Variants in SPOCK1 observed in about 807,000 individuals in gnomAD.
SPOCK1 encodes the protein testican-1.
SPOCK1 carries 23 observed loss-of-function variants against 55.3 expected under a neutral mutation model. That is an observed-to-expected ratio of 0.42 (90% CI 0.30 to 0.59). The LOEUF (loss-of-function observed/expected upper bound fraction) is 0.59. SPOCK1 is among the 20% of genes least tolerant of loss of function. The pLI is 0.22. For missense variants in SPOCK1, 499 were observed against 552.5 expected (o/e 0.90, Z 0.97); for synonymous variants, 226 against 221.0 (o/e 1.02, Z -0.20).
At chr5:137,418,232 C>A (rs1402158718) in intron 2 of SPOCK1, among the ~76,000 whole-genome samples, 1 of 152,034 alleles carries the variant, frequency 6.6e-6, no homozygotes, top group Non-Finnish European at 1.5e-5. Context: ...GGTTCCAAGT[C>A]TTTGCTATTG....
chr5:137,194,180 A>G (rs376953976), intron 3 of SPOCK1, among the ~76,000 whole-genome samples: 2 of 152,226 alleles, frequency 1.3e-5, no homozygotes, highest in East Asian at 1.9e-4. Context: ...AGCCTGGGCC[A>G]GCCACTCCAA....
At chr5:137,039,588 C>T (rs1440948971) in intron 6 of SPOCK1, among the ~76,000 whole-genome samples, 1 of 152,246 alleles carries the variant, frequency 6.6e-6, no homozygotes, top group Non-Finnish European at 1.5e-5. Flanking sequence ...CAAACCAGAT[C>T]ATCCATGCAA....
At chr5:137,150,550 G>A (rs1158249757) in intron 3 of SPOCK1, among the ~76,000 whole-genome samples, 2 of 151,990 alleles carry the variant, frequency 1.3e-5, no homozygotes, top group Non-Finnish European at 2.9e-5. Flanking sequence ...TTGGTAAGAG[G>A]CTAGAAAAAA....
At chr5:137,493,419 T>A (rs1159581297) in intron 2 of SPOCK1, among the ~76,000 whole-genome samples, 4 of 152,272 alleles carry the variant, frequency 2.6e-5, no homozygotes, top group Non-Finnish European at 4.4e-5. Context: ...AGAGCACTTA[T>A]CCTCCCAGTG....
intron 2 of SPOCK1, among the ~76,000 whole-genome samples, chr5:137,353,940 A>G (rs1750735627): frequency 6.6e-6 from 1 of 152,100 alleles, no homozygotes; most frequent in African/African-American, 2.4e-5. Context: ...TGACAAAGCT[A>G]AACACCACAT....
chr5:137,057,722 A>T (rs1357651422), intron 6 of SPOCK1, among the ~76,000 whole-genome samples: 1 of 152,152 alleles, frequency 6.6e-6, no homozygotes, highest in Non-Finnish European at 1.5e-5. Context: ...CCAACATTTC[A>T]CTAAGCAGTC....
At chr5:137,044,087 G>A (rs1561589363) in intron 6 of SPOCK1, among the ~76,000 whole-genome samples, 1 of 152,056 alleles carries the variant, frequency 6.6e-6, no homozygotes, top group Non-Finnish European at 1.5e-5. Context: ...AATGACTTTG[G>A]GATATAGTAG....
intron 3 of SPOCK1, among the ~76,000 whole-genome samples, chr5:137,206,572 CGT>C (rs1177233706): frequency 6.6e-6 from 1 of 152,218 alleles, no homozygotes; most frequent in African/African-American, 2.4e-5. Flanking sequence ...CTTGCCCCAC[CGT>C]GTGTCTGTTT....
intron 3 of SPOCK1, among the ~76,000 whole-genome samples, chr5:137,187,366 C>A (rs183629961): frequency 3.0e-4 from 45 of 152,288 alleles, no homozygotes; most frequent in Admixed American, 2.6e-3. Flanking sequence ...CTTCTTTCTA[C>A]ATTCCTTATC....
At position 136,979,346 on chromosome 5, in the gene SPOCK1, C is replaced by A. The variant is rs1036377037; in HGVS notation, c.1115G>T (p.Gly372Val). 1.2e-5 allele frequency: 19 copies of A among 1,614,114 alleles called. No homozygotes were observed. Among genetic ancestry groups the A allele is most frequent in the Non-Finnish European group, 1.6e-5 (19 of 1,179,982 alleles). ...GNELAGSRKQ[G>V]AVSCEEEQET... ...GCCTTACTCACCACAGCTCACAGCACCCTGTTTCCTGGAGCCAGCCAACTC... is the reference window on the plus strand; with the variant it reads ...GCCTTACTCACCACAGCTCACAGCAACCTGTTTCCTGGAGCCAGCCAACTC... The change falls in exon 10 of 11, where the codon GGT becomes GTT. Residue 372 changes from glycine (G) to valine (V), a missense_variant. Gly to Val is a moderately radical substitution (Grantham distance 109, BLOSUM62 -3). Transcript: ENST00000394945.
chr5:137,431,077 G>A (rs549704912), intron 2 of SPOCK1, among the ~76,000 whole-genome samples: 39 of 152,362 alleles, frequency 2.6e-4, no homozygotes, highest in Admixed American at 5.9e-4. Context: ...CCACAAACAG[G>A]AAGCAATGAG....
At chr5:137,098,845 G>A (rs975265548) in intron 5 of SPOCK1, among the ~76,000 whole-genome samples, 3 of 152,088 alleles carry the variant, frequency 2.0e-5, no homozygotes, top group Non-Finnish European at 2.9e-5. Context: ...AAATGCCACC[G>A]GGTCCACAGG....
intron 2 of SPOCK1, among the ~76,000 whole-genome samples, chr5:137,361,838 T>G (rs1484424989): frequency 1.3e-5 from 2 of 152,148 alleles, no homozygotes; most frequent in African/African-American, 4.8e-5. Flanking sequence ...GCAGAGAGAC[T>G]CGGGAAAGAA....
chr5:137,157,782 A>G (rs775954180), intron 3 of SPOCK1, among the ~76,000 whole-genome samples: 6 of 152,236 alleles, frequency 3.9e-5, no homozygotes, highest in Non-Finnish European at 7.3e-5. Context: ...ATATGGGGCC[A>G]GGCACAGTGG....
At chr5:137,233,639 C>A (rs1756115173) in intron 3 of SPOCK1, among the ~76,000 whole-genome samples, 1 of 142,362 alleles carries the variant, frequency 7.0e-6, no homozygotes. Context: ...CTAAATATTT[C>A]TTTTTCTTTG....
intron 6 of SPOCK1, among the ~76,000 whole-genome samples, chr5:137,066,879 T>C (rs942029278): frequency 4.6e-5 from 7 of 151,642 alleles, no homozygotes; most frequent in African/African-American, 1.7e-4. Flanking sequence ...ACAACATAGC[T>C]TATAAAGAGC....
intron 2 of SPOCK1, among the ~76,000 whole-genome samples, chr5:137,495,311 C>G (rs1580959286): frequency 6.6e-6 from 1 of 152,130 alleles, no homozygotes; most frequent in Non-Finnish European, 1.5e-5. Flanking sequence ...ACAGCACACC[C>G]AGTAGTCAAG....
At chr5:137,202,094 T>C (rs1037174607) in intron 3 of SPOCK1, among the ~76,000 whole-genome samples, 5 of 152,210 alleles carry the variant, frequency 3.3e-5, no homozygotes, top group Non-Finnish European at 7.3e-5. Flanking sequence ...GAGCAGAGCA[T>C]GGGCTTTGCA....
intron 3 of SPOCK1, among the ~76,000 whole-genome samples, chr5:137,148,707 T>C (rs1754252830): frequency 6.6e-6 from 1 of 152,126 alleles, no homozygotes; most frequent in African/African-American, 2.4e-5. Flanking sequence ...AATTCAACAA[T>C]AAAGAAACTG....
Sources: allele counts gnomAD v4.1 joint callset (sites outside exome capture counted in the v4.1 genomes callset), GRCh38; gene constraint gnomAD v4.1.1; transcripts MANE v1.5; gene names NCBI Gene and HGNC (gene_info 2026-07-23, HGNC 2026-07-21).